EMP2: variants seen among roughly 807,000 people sequenced by gnomAD.
EMP2 encodes the protein epithelial membrane protein 2.
Under a neutral mutation model 13.7 loss-of-function variants are expected in EMP2, and 19 were observed. That is an observed-to-expected ratio of 1.38 (90% CI 0.97 to 2.03). The LOEUF (loss-of-function observed/expected upper bound fraction) is 2.03. Ranked by LOEUF, EMP2 falls within the 30% of genes most tolerant of loss-of-function variation. EMP2 has a pLI of 0.00. For synonymous variants in EMP2, 97 were observed against 84.7 expected (o/e 1.15, Z -0.80); for missense variants, 253 against 220.7 (o/e 1.15, Z -0.93).
At chr16:10,541,506 C>G (rs749625511) in intron 3 of EMP2, among the ~76,000 whole-genome samples, 1 of 152,112 alleles carries the variant, frequency 6.6e-6, no homozygotes, top group Non-Finnish European at 1.5e-5. Flanking sequence ...GCCAGCGGTT[C>G]GCCAACCCCT....
intron 2 of EMP2, 99 bp from the exon 3 acceptor site, chr16:10,543,759 C>T: frequency 9.3e-7 from 1 of 1,080,858 alleles, no homozygotes; most frequent in Non-Finnish European, 1.4e-6. Flanking sequence ...CCAGGATTCT[C>T]AAACTGCAAC....
chr16:10,538,458 G>T (rs2050668223), intron 3 of EMP2, among the ~76,000 whole-genome samples: 1 of 152,160 alleles, frequency 6.6e-6, no homozygotes, highest in Non-Finnish European at 1.5e-5. Context: ...GGCCTTGGGG[G>T]TCTCCATTTT....
intron 3 of EMP2, among the ~76,000 whole-genome samples, chr16:10,542,999 C>A (rs1337525492): frequency 6.6e-6 from 1 of 152,206 alleles, no homozygotes; most frequent in African/African-American, 2.4e-5. Flanking sequence ...GCGTGCACCA[C>A]CACGCCCAGC....
chr16:10,547,458 G>C, intron 2 of EMP2, 82 bp downstream of exon 2: 4 of 1,430,226 alleles, frequency 2.8e-6, no homozygotes, highest in Non-Finnish European at 3.9e-6. Flanking sequence ...TTTATCAGCA[G>C]CATGAGAACA....
At chr16:10,538,388 T>C (rs1465662674) in intron 3 of EMP2, among the ~76,000 whole-genome samples, 1 of 152,198 alleles carries the variant, frequency 6.6e-6, no homozygotes, top group Admixed American at 6.5e-5. Context: ...CAGGGGAATC[T>C]TTTGAAGGAC....
intron 1 of EMP2, among the ~76,000 whole-genome samples, chr16:10,566,600 T>C (rs188847398): frequency 6.6e-6 from 1 of 152,356 alleles, no homozygotes; most frequent in Admixed American, 6.5e-5. Context: ...AATCCCACTG[T>C]GCAGAAAACA....
At chr16:10,574,724 G>A (rs963100705) in intron 1 of EMP2, among the ~76,000 whole-genome samples, 9 of 151,840 alleles carry the variant, frequency 5.9e-5, no homozygotes, top group African/African-American at 2.2e-4. Flanking sequence ...CTAATTTTTT[G>A]TATTTTTAGT....
chr16:10,537,413 T>G (rs2050655585), intron 4 of EMP2, among the ~76,000 whole-genome samples: 1 of 152,176 alleles, frequency 6.6e-6, no homozygotes, highest in Non-Finnish European at 1.5e-5. Flanking sequence ...GCTTGAAACC[T>G]GTTGATGGCT....
chr16:10,578,433 C>T (rs1362295209), intron 1 of EMP2, among the ~76,000 whole-genome samples: 3 of 152,170 alleles, frequency 2.0e-5, no homozygotes, highest in African/African-American at 7.2e-5. Context: ...GAAGCGGGGG[C>T]GGTTTGCTAA....
chr16:10,555,035 T>C (rs568937155), intron 1 of EMP2, among the ~76,000 whole-genome samples: 1 of 152,314 alleles, frequency 6.6e-6, no homozygotes, highest in African/African-American at 2.4e-5. Flanking sequence ...TGTCCAGTTC[T>C]AGAAATGTAG....
chr16:10,542,922 C>G (rs1285677121), intron 3 of EMP2, among the ~76,000 whole-genome samples: 2 of 152,202 alleles, frequency 1.3e-5, no homozygotes. Flanking sequence ...CTCGGCTCAC[C>G]GCAACCTCCG....
intron 4 of EMP2, among the ~76,000 whole-genome samples, chr16:10,537,623 C>T (rs542126415): frequency 5.7e-4 from 87 of 152,274 alleles, no homozygotes; most frequent in African/African-American, 1.9e-3. Context: ...TCTATTGAGA[C>T]ACAACACTGT....
intron 1 of EMP2, among the ~76,000 whole-genome samples, chr16:10,549,883 C>CTTTTTTTTTTTTTT (rs59259895): frequency 8.9e-5 from 10 of 112,254 alleles, no homozygotes; most frequent in Non-Finnish European, 1.2e-4. Flanking sequence ...TTTTCTTTTT[C>CTTTTTTTTTTTTTT]TTTTTTTTTT....
chr16:10,551,354 C>G (rs948688658), intron 1 of EMP2, among the ~76,000 whole-genome samples: 3 of 152,184 alleles, frequency 2.0e-5, no homozygotes, highest in Non-Finnish European at 4.4e-5. Context: ...GATCCTCTCT[C>G]AAGAAACTTT....
At chr16:10,555,620 T>G (rs548088825) in intron 1 of EMP2, among the ~76,000 whole-genome samples, 4 of 151,462 alleles carry the variant, frequency 2.6e-5, no homozygotes, top group African/African-American at 4.9e-5. Context: ...TGGAGTTTTG[T>G]TTTTTTTCCC....
At chr16:10,573,426 A>T (rs980692963) in intron 1 of EMP2, among the ~76,000 whole-genome samples, 2 of 152,188 alleles carry the variant, frequency 1.3e-5, no homozygotes, top group Admixed American at 1.3e-4. Context: ...TGATGTTCCA[A>T]GGGGGATGCT....
intron 1 of EMP2, among the ~76,000 whole-genome samples, chr16:10,559,466 G>A (rs568648563): frequency 6.6e-6 from 1 of 152,354 alleles, no homozygotes; most frequent in Admixed American, 6.5e-5. Context: ...GAATTTGGCA[G>A]TGCCCCAGGG....
At chr16:10,549,377 A>T (rs990673232) in intron 1 of EMP2, among the ~76,000 whole-genome samples, 7 of 152,202 alleles carry the variant, frequency 4.6e-5, no homozygotes, top group African/African-American at 1.7e-4. Flanking sequence ...TAAATGAGGA[A>T]AAAGCATTCA....
chr16:10,562,981 A>G (rs2050883105), intron 1 of EMP2, among the ~76,000 whole-genome samples: 1 of 152,164 alleles, frequency 6.6e-6, no homozygotes, highest in Non-Finnish European at 1.5e-5. Context: ...TGATATACCT[A>G]CAGGCACACA....
Sources: gnomAD v4.1 joint callset for allele counts (sites outside exome capture counted in the v4.1 genomes callset) on GRCh38, gnomAD v4.1.1 for gene constraint, MANE v1.5 for transcripts, NCBI Gene and HGNC (gene_info 2026-07-23, HGNC 2026-07-21) for gene names.